SVEP1: variants seen among roughly 807,000 people sequenced by gnomAD.
SVEP1 encodes sushi, von Willebrand factor type A, EGF and pentraxin domain-containing protein 1.
A neutral mutation model predicts 367.3 loss-of-function variants in SVEP1; 164 were observed. The ratio of observed to expected loss-of-function variants is 0.45; its 90% CI spans 0.39 to 0.51. The LOEUF (loss-of-function observed/expected upper bound fraction) is 0.51. Among genes scored for constraint, SVEP1 ranks in the 20% least tolerant of loss-of-function variants. The pLI is 0.00. For missense variants in SVEP1, 4,117 were observed against 4,425.3 expected, an observed-to-expected ratio of 0.93 and a Z score of 1.98; for synonymous variants, 1,666 against 1,611.6, an observed-to-expected ratio of 1.03 and a Z score of -0.81.
At chr9:110,574,565 C>T (rs77810080) in intron 1 of SVEP1, among the ~76,000 whole-genome samples, 28,833 of 151,954 alleles carry the variant, frequency 0.19, 2,829 homozygotes, top group East Asian at 0.28. Context: ...CTGCCTGATC[C>T]CTATGCAAAA....
chr9:110,555,787 G>T (rs1830349758), intron 1 of SVEP1, among the ~76,000 whole-genome samples: 1 of 151,738 alleles, frequency 6.6e-6, no homozygotes, highest in Non-Finnish European at 1.5e-5. Context: ...GAGGAGGGGT[G>T]GGGGATTTAC....
chr9:110,436,280 A>C, intron 28 of SVEP1, 100 bp downstream of exon 28: 16 of 1,433,892 alleles, frequency 1.1e-5, no homozygotes, highest in African/African-American at 1.4e-5. Context: ...CTGATAACCA[A>C]GAGCTTACAA....
rs375163341 is a variant in SVEP1 at position 110,382,832 on chromosome 9, T to C, written c.10237+3066A>G. On this transcript the variant is annotated intron_variant, in intron 43 of 47. Coordinates refer to ENST00000374469, the MANE Select transcript of SVEP1 (RefSeq NM_153366.4). ...ATAGTCTTCAAACTCTAAAATTCTT[T>C]CCTCCACTTGGTCCATTCAGCTATT... 4.7e-4 allele frequency among the ~76,000 whole-genome samples: 71 copies of C among 152,346 alleles called. 1 individual carries two copies. The South Asian group carries it at 0.014, about 31-fold the overall frequency.
Position 110,532,161 on chromosome 9 carries a change from T to G in SVEP1, c.964+13954A>C, listed in dbSNP as rs150294087. Among the ~76,000 whole-genome samples the G allele has an allele frequency of 2.6e-5, 4 of 152,200 alleles. No homozygotes were observed. The East Asian group carries it at 7.7e-4, about 29-fold the overall frequency. ...TCACCAAAAATTTATTAATGCTTAC[T>G]CCAAGTCCATATGTTTTTTAGGAGA... On this transcript the variant is annotated intron_variant, in intron 3 of 47. Transcript: ENST00000374469.
chr9:110,472,045 C>T, intron 15 of SVEP1, 114 bp downstream of exon 15: 1 of 1,119,160 alleles, frequency 8.9e-7, no homozygotes. Context: ...TTCCCTAATT[C>T]TCAATTCCAG....
intron 1 of SVEP1, among the ~76,000 whole-genome samples, chr9:110,553,047 G>T (rs1179606991): frequency 1.3e-5 from 2 of 152,158 alleles, no homozygotes; most frequent in Non-Finnish European, 2.9e-5. Flanking sequence ...GGAGATAGCT[G>T]CATTAAAGGT....
At chr9:110,524,559 A>T (rs1829917752) in intron 3 of SVEP1, among the ~76,000 whole-genome samples, 2 of 152,132 alleles carry the variant, frequency 1.3e-5, no homozygotes, top group Admixed American at 1.3e-4. Flanking sequence ...TAAAGAAGAA[A>T]ATGCACAAGG....
At chr9:110,520,180 T>A (rs1407186858) in intron 3 of SVEP1, among the ~76,000 whole-genome samples, 1 of 152,304 alleles carries the variant, frequency 6.6e-6, no homozygotes, top group East Asian at 1.9e-4. Flanking sequence ...GTGAAATTCA[T>A]AATGATAATG....
Position 110,406,654 on chromosome 9 carries a change from A to C in SVEP1, c.8946T>G (p.His2982Gln), listed in dbSNP as rs1827959133. The part of the protein sequence containing the change: ...QYQCFPGYKL[H>Q]GNSSRRCLSN... ...AGAGGCACCTTCTTGATGAATTTCCATGGAGCTTATAACCAGGAAAGCACT... is the reference window on the plus strand; with the variant it reads ...AGAGGCACCTTCTTGATGAATTTCCCTGGAGCTTATAACCAGGAAAGCACT... The change falls in exon 38 of 48, where the codon CAT (histidine) becomes CAG (glutamine). Residue 2982 changes from histidine (H) to glutamine (Q), a missense_variant. Physicochemically the swap from His to Gln is conservative, Grantham distance 24. Coordinates refer to ENST00000374469, the MANE Select transcript of SVEP1 (RefSeq NM_153366.4). 6.2e-7 allele frequency: 1 copy of C among 1,613,894 alleles called. No individual in the cohort carries two copies.
intron 3 of SVEP1, among the ~76,000 whole-genome samples, chr9:110,544,132 C>T (rs1004977334): frequency 2.6e-5 from 4 of 151,648 alleles, no homozygotes; most frequent in African/African-American, 9.7e-5. Flanking sequence ...GGAAATGTCC[C>T]AAGAGAAGGA....
intron 3 of SVEP1, among the ~76,000 whole-genome samples, chr9:110,541,314 T>G (rs1830142250): frequency 6.6e-6 from 1 of 152,168 alleles, no homozygotes; most frequent in Non-Finnish European, 1.5e-5. Context: ...TAATAACATC[T>G]GCTTTCTTCA....
At position 110,563,119 on chromosome 9, in the gene SVEP1, G is replaced by A. The variant is rs146781538; in HGVS notation, c.532-13015C>T. 6.3e-4 allele frequency among the ~76,000 whole-genome samples: 96 copies of A among 152,200 alleles called. 1 individual carries two copies. The highest frequency in any genetic ancestry group is 2.2e-3 in the African/African-American group (92 of 41,538). On this transcript the variant is annotated intron_variant, in intron 1 of 47. Transcript: ENST00000374469. Reference sequence around the variant, plus strand: ...ATATACAAGAATAACTATTTCAACTGCAAAATTTTGTGGTAACTGACCAGC... The same window carrying A: ...ATATACAAGAATAACTATTTCAACTACAAAATTTTGTGGTAACTGACCAGC...
intron 1 of SVEP1, among the ~76,000 whole-genome samples, chr9:110,560,909 G>C (rs555872767): frequency 6.6e-6 from 1 of 152,062 alleles, no homozygotes; most frequent in East Asian, 1.9e-4. Flanking sequence ...TTCTTCTTTC[G>C]AATCCATTTT....
intron 3 of SVEP1, among the ~76,000 whole-genome samples, chr9:110,524,571 C>T (rs935732376): frequency 1.5e-4 from 23 of 151,958 alleles, no homozygotes; most frequent in Admixed American, 3.9e-4. Context: ...TGCACAAGGT[C>T]ACGTCAATTG....
At chr9:110,435,502 G>T in intron 28 of SVEP1, 138 bp from the exon 29 acceptor site, 2 of 938,230 alleles carry the variant, frequency 2.1e-6, no homozygotes, top group Non-Finnish European at 3.1e-6. Context: ...TGATTTCAGG[G>T]GCAGCAGGAG....
At chr9:110,491,289 T>C (rs939534700) in intron 8 of SVEP1, among the ~76,000 whole-genome samples, 6 of 151,982 alleles carry the variant, frequency 3.9e-5, no homozygotes, top group African/African-American at 1.2e-4. Context: ...CTCAAAAATA[T>C]ATTAACAGTA....
intron 1 of SVEP1, among the ~76,000 whole-genome samples, chr9:110,570,970 C>CTTTTTTTT (rs374900472): frequency 1.7e-5 from 2 of 114,928 alleles, no homozygotes; most frequent in Non-Finnish European, 1.8e-5. Flanking sequence ...CAGATGGCTC[C>CTTTTTTTT]TTTTTTTTTT....
chr9:110,450,019 A>C (rs752214989), intron 24 of SVEP1, 40 bp downstream of exon 24: 1 of 1,605,938 alleles, frequency 6.2e-7, no homozygotes, highest in Non-Finnish European at 8.5e-7. Flanking sequence ...AATAGTTTAA[A>C]AAATAAAAAC....
chr9:110,537,106 T>C (rs1156410558), intron 3 of SVEP1, among the ~76,000 whole-genome samples: 1 of 151,952 alleles, frequency 6.6e-6, no homozygotes, highest in Non-Finnish European at 1.5e-5. Flanking sequence ...CGATACTTTT[T>C]TGATGATAGA....
Sources: allele counts gnomAD v4.1 joint callset (sites outside exome capture counted in the v4.1 genomes callset), GRCh38; gene constraint gnomAD v4.1.1; transcripts MANE v1.5; gene names NCBI Gene and HGNC (gene_info 2026-07-23, HGNC 2026-07-21).